Variants in DDX10 observed in about 807,000 individuals in gnomAD.
DDX10 encodes the protein DEAD-box helicase 10, also known as probable ATP-dependent RNA helicase DDX10.
A neutral mutation model predicts 104.3 loss-of-function variants in DDX10; 74 were observed. That is an observed-to-expected ratio of 0.71 (90% CI 0.59 to 0.86). The LOEUF (loss-of-function observed/expected upper bound fraction) is 0.86. Ranked by LOEUF, DDX10 falls within the 40% of genes least tolerant of loss-of-function variation. DDX10 has a pLI of 0.00. For synonymous variants in DDX10, 351 were observed against 353.4 expected (o/e 0.99, Z 0.08); for missense variants, 952 against 1,040.0 (o/e 0.92, Z 1.16).
At chr11:108,850,780 C>T (rs1456379531) in intron 15 of DDX10, among the ~76,000 whole-genome samples, 2 of 152,066 alleles carry the variant, frequency 1.3e-5, no homozygotes, top group East Asian at 3.8e-4. Flanking sequence ...TAGTGGTGTG[C>T]TAGATTTGAG....
chr11:108,796,106 A>G (rs1425390753), intron 13 of DDX10, among the ~76,000 whole-genome samples: 1 of 152,200 alleles, frequency 6.6e-6, no homozygotes, highest in Non-Finnish European at 1.5e-5. Flanking sequence ...AGCTGTTAAT[A>G]GTATTTCTTT....
chr11:108,778,976 A>G (rs1287112475), intron 13 of DDX10, among the ~76,000 whole-genome samples: 1 of 152,200 alleles, frequency 6.6e-6, no homozygotes, highest in Admixed American at 6.5e-5. Context: ...GCAAATCAAA[A>G]CCACAATGGG....
chr11:108,729,438 C>T (rs2094309247), intron 13 of DDX10, among the ~76,000 whole-genome samples: 1 of 152,156 alleles, frequency 6.6e-6, no homozygotes, highest in South Asian at 2.1e-4. Flanking sequence ...TATGATTCTG[C>T]ATCCACTCAG....
chr11:108,812,708 G>A (rs1388630589), intron 13 of DDX10, among the ~76,000 whole-genome samples: 4 of 152,104 alleles, frequency 2.6e-5, no homozygotes, highest in Non-Finnish European at 5.9e-5. Context: ...TCAGCTGGCT[G>A]CGGTGGCTCA....
intron 15 of DDX10, among the ~76,000 whole-genome samples, chr11:108,850,461 T>C (rs1197471215): frequency 6.6e-6 from 1 of 152,182 alleles, no homozygotes; most frequent in Non-Finnish European, 1.5e-5. Context: ...AACTTTGAAG[T>C]GCCATTTTCA....
chr11:108,711,679 G>A (rs917511964), intron 10 of DDX10, among the ~76,000 whole-genome samples: 2 of 152,182 alleles, frequency 1.3e-5, no homozygotes, highest in African/African-American at 4.8e-5. Context: ...AGCAGATATT[G>A]TATGATTTAT....
In DDX10 at chr11:108,810,078, T is replaced by C. The variant is rs556649168; in HGVS notation, c.1966-28368T>C. 3.9e-5 allele frequency among the ~76,000 whole-genome samples: 6 copies of C among 152,326 alleles called. No homozygotes were observed. In the South Asian group the frequency reaches 1.0e-3, roughly 26 times the overall value. ...TGAGTGTTCTTCATGTGGAAAGTAC[T>C]TGTCTGGGAGCGTGAGTTAAGTAAG... On this transcript the variant is annotated intron_variant, in intron 13 of 17. Transcript: ENST00000322536.
At chr11:108,799,961 C>T (rs1861996097) in intron 13 of DDX10, among the ~76,000 whole-genome samples, 1 of 151,970 alleles carries the variant, frequency 6.6e-6, no homozygotes, top group Admixed American at 6.5e-5. Flanking sequence ...CTCTGTTACC[C>T]AGGCTGAAGC....
chr11:108,722,772 C>A (rs1432891261), intron 12 of DDX10, among the ~76,000 whole-genome samples: 2 of 152,080 alleles, frequency 1.3e-5, no homozygotes, highest in Admixed American at 6.5e-5. Flanking sequence ...TTCCATGTTA[C>A]CCTCTTAAAG....
chr11:108,682,003 A>AATT (rs2134443168), intron 6 of DDX10, among the ~76,000 whole-genome samples: 1 of 152,038 alleles, frequency 6.6e-6, no homozygotes, highest in Admixed American at 6.5e-5. Context: ...TAGATAAATT[A>AATT]ATTATTTATT....
intron 13 of DDX10, among the ~76,000 whole-genome samples, chr11:108,742,715 A>G (rs1032939974): frequency 6.6e-6 from 1 of 152,196 alleles, no homozygotes; most frequent in South Asian, 2.1e-4. Context: ...GAACATTACC[A>G]CTGACCCTAC....
chr11:108,867,980 C>T (rs1189173864), intron 16 of DDX10, among the ~76,000 whole-genome samples: 1 of 152,102 alleles, frequency 6.6e-6, no homozygotes, highest in Non-Finnish European at 1.5e-5. Context: ...ACTTAAAGAT[C>T]TCTTTCATTT....
At chr11:108,695,866 C>T (rs1311211906) in intron 9 of DDX10, among the ~76,000 whole-genome samples, 1 of 151,372 alleles carries the variant, frequency 6.6e-6, no homozygotes, top group Non-Finnish European at 1.5e-5. Context: ...TTCTTTTGAC[C>T]AGCATGAAAG....
intron 6 of DDX10, among the ~76,000 whole-genome samples, chr11:108,687,025 TCTGC>T (rs749452781): frequency 6.6e-6 from 1 of 152,208 alleles, no homozygotes; most frequent in Non-Finnish European, 1.5e-5. Flanking sequence ...GACCTCGTGA[TCTGC>T]CTGCCTCAGC....
intron 17 of DDX10, chr11:108,919,086 T>G (rs1472080703): frequency 6.6e-6 from 1 of 152,200 alleles, no homozygotes; most frequent in Non-Finnish European, 1.5e-5. Flanking sequence ...AGAGACAGAG[T>G]TACTCTTCAT....
intron 13 of DDX10, among the ~76,000 whole-genome samples, chr11:108,750,411 A>G (rs1012434136): frequency 7.2e-5 from 11 of 152,180 alleles, no homozygotes; most frequent in Non-Finnish European, 1.3e-4. Flanking sequence ...ATCTTAAGTT[A>G]TCTTCTAACT....
chr11:108,691,365 A>G (rs543793533), intron 7 of DDX10, among the ~76,000 whole-genome samples: 1 of 152,362 alleles, frequency 6.6e-6, no homozygotes, highest in Non-Finnish European at 1.5e-5. Context: ...CTAGTAATCC[A>G]TAGTATCCAT....
intron 9 of DDX10, among the ~76,000 whole-genome samples, chr11:108,696,729 C>A (rs1291531816): frequency 6.6e-6 from 1 of 151,878 alleles, no homozygotes; most frequent in African/African-American, 2.4e-5. Context: ...TTTTCCTTTT[C>A]GATATCTTTA....
rs139271502 is a variant in DDX10 at position 108,900,770 on chromosome 11, C to T, written c.2305-17103C>T. Among the ~76,000 whole-genome samples the T allele has an allele frequency of 5.3e-5, 8 of 152,246 alleles. No individual in the cohort carries two copies. The East Asian group carries it at 1.5e-3, about 29-fold the overall frequency. On this transcript the variant is annotated intron_variant, in intron 16 of 17. Coordinates refer to ENST00000322536, the MANE Select transcript of DDX10 (RefSeq NM_004398.4). ...TGGAATTGTACCTGGTTGGGAGACT[C>T]TGTGGGAGTTAATAATCCTGCTTCC... is the stretch of plus-strand genomic sequence containing the variant.
Sources: allele counts gnomAD v4.1 joint callset (sites outside exome capture counted in the v4.1 genomes callset), GRCh38; gene constraint gnomAD v4.1.1; transcripts MANE v1.5; gene names NCBI Gene and HGNC (gene_info 2026-07-23, HGNC 2026-07-21).